Variants in NBEA observed in about 807,000 individuals in gnomAD.
NBEA encodes neurobeachin, also known as lysosomal-trafficking regulator 2.
Under a neutral mutation model 343.4 loss-of-function variants are expected in NBEA, and 44 were observed. The ratio of observed to expected loss-of-function variants is 0.13; its 90% CI spans 0.10 to 0.16. The LOEUF is 0.16. Among genes scored for constraint, NBEA ranks in the 10% least tolerant of loss-of-function variants. The pLI is 1.00. For synonymous variants in NBEA, 1,175 were observed against 1,238.7 expected (o/e 0.95, Z 1.08); for missense variants, 2,555 against 3,631.3 (o/e 0.70, Z 7.62).
chr13:35,402,848 C>T (rs2043061047), intron 38 of NBEA, among the ~76,000 whole-genome samples: 1 of 152,042 alleles, frequency 6.6e-6, no homozygotes, highest in Non-Finnish European at 1.5e-5. Context: ...AAATTGTCAC[C>T]ATGTTCTTAA....
intron 39 of NBEA, among the ~76,000 whole-genome samples, chr13:35,432,908 T>G (rs1417192924): frequency 6.6e-6 from 1 of 152,042 alleles, no homozygotes; most frequent in Non-Finnish European, 1.5e-5. Flanking sequence ...TAAAAAAGTT[T>G]TATTTATAAC....
At chr13:35,322,347 G>A (rs1212019065) in intron 36 of NBEA, among the ~76,000 whole-genome samples, 1 of 152,142 alleles carries the variant, frequency 6.6e-6, no homozygotes, top group Admixed American at 6.5e-5. Flanking sequence ...CTTGGCTAGG[G>A]TAGGGAGTTC....
chr13:35,381,056 G>A (rs9530523), intron 38 of NBEA, among the ~76,000 whole-genome samples: 105,855 of 151,706 alleles, frequency 0.7, 39,187 homozygotes, highest in Non-Finnish European at 0.81. Context: ...TTTTTTCTAC[G>A]AATGGTAGTG....
intron 45 of NBEA, among the ~76,000 whole-genome samples, chr13:35,572,984 G>C (rs1048688532): frequency 5.3e-5 from 8 of 152,140 alleles, no homozygotes; most frequent in Admixed American, 2.0e-4. Flanking sequence ...TTAGTGGTAG[G>C]ATGATACAAA....
At chr13:35,355,679 A>T (rs191149625) in intron 38 of NBEA, among the ~76,000 whole-genome samples, 1 of 150,680 alleles carries the variant, frequency 6.6e-6, no homozygotes, top group African/African-American at 2.4e-5. Context: ...CTCTGCCAAT[A>T]CTCTCCCCTT....
chr13:35,554,706 C>CT (rs375662654), intron 43 of NBEA, among the ~76,000 whole-genome samples: 1 of 152,070 alleles, frequency 6.6e-6, no homozygotes, highest in Non-Finnish European at 1.5e-5. Context: ...TATAGTTTTA[C>CT]TTTTTTTCTT....
chr13:35,319,067 A>AT (rs1388327950), intron 36 of NBEA, among the ~76,000 whole-genome samples: 1 of 151,766 alleles, frequency 6.6e-6, no homozygotes, highest in Admixed American at 6.6e-5. Flanking sequence ...GGATTCATTG[A>AT]TTTTTTTGAA....
At chr13:35,616,699 A>G (rs1310967312) in intron 48 of NBEA, among the ~76,000 whole-genome samples, 1 of 152,230 alleles carries the variant, frequency 6.6e-6, no homozygotes, top group African/African-American at 2.4e-5. Flanking sequence ...ATGAATACAA[A>G]TTCTGAGTAA....
intron 39 of NBEA, among the ~76,000 whole-genome samples, chr13:35,446,992 A>G (rs2046082604): frequency 2.0e-5 from 3 of 152,070 alleles, no homozygotes; most frequent in African/African-American, 7.2e-5. Flanking sequence ...TTTATAGCTA[A>G]CCTATTGTTG....
intron 41 of NBEA, chr13:35,475,239 C>T (rs770768976): frequency 1.2e-6 from 2 of 1,613,978 alleles, no homozygotes; most frequent in Non-Finnish European, 1.7e-6. Flanking sequence ...AAATCCCGTT[C>T]AGCCGATCAC....
At chr13:35,435,820 T>C (rs1456826356) in intron 39 of NBEA, among the ~76,000 whole-genome samples, 1 of 152,168 alleles carries the variant, frequency 6.6e-6, no homozygotes, top group East Asian at 1.9e-4. Flanking sequence ...GAATCTCATA[T>C]ACGTTGCTGA....
At chr13:34,963,969 AT>A (rs745315219) in intron 1 of NBEA, among the ~76,000 whole-genome samples, 1 of 152,002 alleles carries the variant, frequency 6.6e-6, no homozygotes, top group Non-Finnish European at 1.5e-5. Flanking sequence ...GCTTTACCCT[AT>A]GACTTTGGTA....
At chr13:35,136,600 T>C (rs943913609) in intron 17 of NBEA, among the ~76,000 whole-genome samples, 1 of 152,126 alleles carries the variant, frequency 6.6e-6, no homozygotes, top group Non-Finnish European at 1.5e-5. Flanking sequence ...AAAAAGAAAA[T>C]GGAAAACCTA....
chr13:35,328,596 A>G (rs934253993), intron 36 of NBEA, among the ~76,000 whole-genome samples: 71 of 151,918 alleles, frequency 4.7e-4, no homozygotes, highest in African/African-American at 1.6e-3. Flanking sequence ...CTGGATCAAA[A>G]TGTCTCATGC....
At chr13:35,474,736 T>G (rs2075786997) in intron 41 of NBEA, 1 of 257,098 alleles carries the variant, frequency 3.9e-6, no homozygotes, top group Non-Finnish European at 7.4e-6. Flanking sequence ...CCTTTGATAG[T>G]TAGGCAGAGT....
chr13:35,551,741 C>A (rs973464808), intron 43 of NBEA, among the ~76,000 whole-genome samples: 1 of 152,134 alleles, frequency 6.6e-6, no homozygotes, highest in Non-Finnish European at 1.5e-5. Flanking sequence ...GATGTCAGAA[C>A]CCTGTTGGCT....
At chr13:35,215,569 C>G (rs1171751986) in intron 33 of NBEA, among the ~76,000 whole-genome samples, 2 of 151,324 alleles carry the variant, frequency 1.3e-5, no homozygotes, top group African/African-American at 4.8e-5. Context: ...CTCAATAAAA[C>G]TGAAAAAAGG....
At chr13:35,337,942 C>T (rs2039362618) in intron 36 of NBEA, among the ~76,000 whole-genome samples, 1 of 151,798 alleles carries the variant, frequency 6.6e-6, no homozygotes, top group Non-Finnish European at 1.5e-5. Context: ...AAAATCAAAA[C>T]TGATGGGATG....
intron 37 of NBEA, 96 bp downstream of exon 37, chr13:35,349,312 A>G: frequency 1.8e-6 from 1 of 549,574 alleles, no homozygotes; most frequent in Non-Finnish European, 3.2e-6. Flanking sequence ...TTAAAAGGAA[A>G]ATTTCACTGA....
Sources: allele counts gnomAD v4.1 joint callset (sites outside exome capture counted in the v4.1 genomes callset), GRCh38; gene constraint gnomAD v4.1.1; transcripts MANE v1.5; gene names NCBI Gene and HGNC (gene_info 2026-07-23, HGNC 2026-07-21).